The following RAB32 variants were observed in gnomAD, a reference collection of about 807,000 sequenced individuals.
RAB32 encodes the protein RAB32, member RAS oncogene family, also known as ras-related protein Rab-32.
RAB32 carries 17 observed loss-of-function variants against 17.5 expected under a neutral mutation model. The ratio of observed to expected loss-of-function variants is 0.97; its 90% confidence interval spans 0.67 to 1.46. The LOEUF (loss-of-function observed/expected upper bound fraction) is 1.46, where lower values mean the gene tolerates loss of function less well. RAB32 is among the 40% of genes most tolerant of loss of function. RAB32 has a pLI of 0.00. For missense variants in RAB32, 288 were observed against 284.3 expected, an observed-to-expected ratio of 1.01 and a Z score of -0.09; for synonymous variants, 115 against 111.1, an observed-to-expected ratio of 1.04 and a Z score of -0.22.
chr6:146,544,435 C>A (rs1779796169), intron 1 of RAB32, among the ~76,000 whole-genome samples: 1 of 152,082 alleles, frequency 6.6e-6, no homozygotes, highest in African/African-American at 2.4e-5. Flanking sequence ...CATACATACA[C>A]CAGGACTAGT....
At position 146,549,554 on chromosome 6, in the gene RAB32, T is replaced by C; in HGVS notation, c.341T>C (p.Phe114Ser). 4 of 1,614,190 alleles carry C rather than the reference T, an allele frequency of 2.5e-6. No individual in the cohort carries two copies. The highest frequency in any genetic ancestry group is 3.4e-6 in the Non-Finnish European group (4 of 1,180,002). The part of the protein sequence containing the change: ...VVFDISRSST[F>S]EAVLKWKSDL... ...TTTGATATATCAAGAAGTTCCACAT[T>C]TGAGGCAGTCTTAAAATGGAAAAGT... is the stretch of plus-strand genomic sequence containing the variant. The change falls in exon 2 of 3, where the codon TTT (phenylalanine) becomes TCT (serine). Residue 114 changes from phenylalanine (F) to serine (S), a missense_variant. Phe to Ser is a radical substitution (Grantham distance 155). Coordinates refer to ENST00000367495, the MANE Select transcript of RAB32 (RefSeq NM_006834.5).
rs759499766 is a variant in RAB32 at position 146,543,980 on chromosome 6, G to C, written c.109G>C (p.Gly37Arg). The stretch of plus-strand genomic sequence containing the variant: ...GCTGGTGATCGGCGAGCTTGGCGTG[G>C]GCAAGACCAGCATCATCAAGCGCTA... ...KVLVIGELGV[G>R]KTSIIKRYVH... The change falls in exon 1 of 3, where the codon GGC becomes CGC. Residue 37 changes from glycine to arginine, a missense_variant. Physicochemically the swap from Gly to Arg is moderately radical, Grantham distance 125. Coordinates refer to ENST00000367495, the MANE Select transcript of RAB32 (RefSeq NM_006834.5). 3.7e-6 allele frequency: 6 copies of C among 1,613,666 alleles called. No homozygotes were observed. The highest frequency in any genetic ancestry group is 5.1e-6 in the Non-Finnish European group (6 of 1,179,882).
intron 1 of RAB32, among the ~76,000 whole-genome samples, chr6:146,545,454 G>A (rs548485613): frequency 6.6e-6 from 1 of 152,290 alleles, no homozygotes; most frequent in Non-Finnish European, 1.5e-5. Context: ...GCTGGTAGCA[G>A]AGTGGTTGGG....
chr6:146,544,296 G>T (rs1779793496), intron 1 of RAB32, among the ~76,000 whole-genome samples, 175 bp downstream of exon 1: 1 of 152,124 alleles, frequency 6.6e-6, no homozygotes, highest in Non-Finnish European at 1.5e-5. Flanking sequence ...ACTCGGTGGG[G>T]CCCAGAGGAT....
At chr6:146,552,742 G>A (rs1288492975) in intron 2 of RAB32, among the ~76,000 whole-genome samples, 5 of 152,014 alleles carry the variant, frequency 3.3e-5, no homozygotes, top group South Asian at 2.1e-4. Flanking sequence ...CTCAAAATTC[G>A]GTTTTTAAAT....
chr6:146,544,165 C>A (rs774522158), intron 1 of RAB32, 44 bp downstream of exon 1: 2 of 1,558,396 alleles, frequency 1.3e-6, no homozygotes, highest in African/African-American at 2.8e-5. Context: ...CCCGCCGGGC[C>A]GCCTGGCTCC....
chr6:146,544,000 G>T lies in RAB32; in HGVS notation c.129G>T (p.Lys43Asn), dbSNP rs758558242. The T allele has an allele frequency of 6.2e-7, 1 of 1,613,798 alleles. No homozygotes were observed. The highest frequency in any genetic ancestry group is 8.5e-7 in the Non-Finnish European group (1 of 1,179,914). ...ELGVGKTSIIKRYVHQLFSQH... is the reference protein window; with the variant it reads ...ELGVGKTSIINRYVHQLFSQH... ...GCGTGGGCAAGACCAGCATCATCAAGCGCTACGTCCACCAGCTCTTCTCCC... is the reference window on the plus strand; with the variant it reads ...GCGTGGGCAAGACCAGCATCATCAATCGCTACGTCCACCAGCTCTTCTCCC... Residue 43 changes from lysine to asparagine, a missense_variant, in exon 1 of 3, where the codon AAG (lysine) becomes AAT (asparagine). Transcript: ENST00000367495.
chr6:146,544,085 A>G lies in RAB32; in HGVS notation c.214A>G (p.Arg72Gly), dbSNP rs750758287. The change falls in exon 1 of 3, where the codon AGG becomes GGG. Residue 72 changes from arginine to glycine, a missense_variant. Coordinates refer to ENST00000367495, the MANE Select transcript of RAB32 (RefSeq NM_006834.5). ...FALKVLNWDSRTLVRLQLWDI... is the reference protein window; with the variant it reads ...FALKVLNWDSGTLVRLQLWDI... Reference sequence around the variant, plus strand: ...CCTCAAGGTCCTCAACTGGGACAGCAGGACTCTGGTGCGCCTGCAGCTGTG... The same window carrying G: ...CCTCAAGGTCCTCAACTGGGACAGCGGGACTCTGGTGCGCCTGCAGCTGTG... The G allele has an allele frequency of 1.2e-6, 2 of 1,613,604 alleles. No individual in the cohort carries two copies. The highest frequency in any genetic ancestry group is 1.1e-5 in the South Asian group (1 of 91,070).
At position 146,554,569 on chromosome 6, in the gene RAB32, G is replaced by A. The variant is rs13574; in HGVS notation, c.642G>A (p.Glu214=). The A allele has an allele frequency of 2.4e-5, 38 of 1,613,500 alleles. No homozygotes were observed. Among genetic ancestry groups the A allele is most frequent in the Non-Finnish European group, 3.1e-5 (36 of 1,179,764 alleles). The change falls in exon 3 of 3, where the codon GAG becomes GAA. Residue 214 remains glutamate (E), a synonymous_variant. Coordinates refer to ENST00000367495, the MANE Select transcript of RAB32 (RefSeq NM_006834.5). ...NDVDKIKLDQ[E]TLRAENKSQC... ...TGGACAAAATTAAGCTAGATCAAGA[G>A]ACCTTGAGAGCAGAGAACAAATCCC... is the stretch of plus-strand genomic sequence containing the variant.
chr6:146,545,982 A>T lies in RAB32; in HGVS notation c.250+1861A>T, dbSNP rs774546345. On this transcript the variant is annotated intron_variant, in intron 1 of 2. Coordinates refer to ENST00000367495, the MANE Select transcript of RAB32 (RefSeq NM_006834.5). ...TGGGTCCCACTGCTGGTAAATCAGT[A>T]TGAGTAACTAGATTTTTAAGTGTTT... is the stretch of plus-strand genomic sequence containing the variant. Among the ~76,000 whole-genome samples the T allele has an allele frequency of 2.0e-5, 3 of 152,358 alleles. No homozygotes were observed. The South Asian group carries it at 6.2e-4, about 32-fold the overall frequency.
At chr6:146,550,330 ACACT>A (rs1478242911) in intron 2 of RAB32, among the ~76,000 whole-genome samples, 1 of 152,158 alleles carries the variant, frequency 6.6e-6, no homozygotes, top group African/African-American at 2.4e-5. Context: ...AAAAAATAAA[ACACT>A]CAGTTGACTT....
chr6:146,548,486 C>T (rs1372823177), intron 1 of RAB32, among the ~76,000 whole-genome samples: 2 of 152,192 alleles, frequency 1.3e-5, no homozygotes, highest in African/African-American at 4.8e-5. Flanking sequence ...CAGAGTGATA[C>T]ATCTTAGATG....
intron 2 of RAB32, among the ~76,000 whole-genome samples, chr6:146,551,375 C>A (rs1779896554): frequency 6.6e-6 from 1 of 152,100 alleles, no homozygotes; most frequent in African/African-American, 2.4e-5. Context: ...CAGGCATGTG[C>A]CACCATGCCC....
chr6:146,548,718 T>C (rs995020054), intron 1 of RAB32, among the ~76,000 whole-genome samples: 2 of 152,224 alleles, frequency 1.3e-5, no homozygotes, highest in Non-Finnish European at 2.9e-5. Context: ...GGGTCTTTCC[T>C]ATGCCAAAGA....
intron 2 of RAB32, 75 bp from the exon 3 acceptor site, chr6:146,554,381 C>G (rs1779933410): frequency 6.9e-7 from 1 of 1,443,364 alleles, no homozygotes; most frequent in African/African-American, 1.4e-5. Flanking sequence ...TTTCCTGGTC[C>G]CATTCATACT....
At chr6:146,549,331 C>A in intron 1 of RAB32, 133 bp from the exon 2 acceptor site, 1 of 722,402 alleles carries the variant, frequency 1.4e-6, no homozygotes, top group Non-Finnish European at 2.3e-6. Flanking sequence ...TAGCCTTAAT[C>A]ACACCAGGTT....
At chr6:146,554,083 G>C (rs556683987) in intron 2 of RAB32, among the ~76,000 whole-genome samples, 6 of 152,028 alleles carry the variant, frequency 3.9e-5, no homozygotes, top group Non-Finnish European at 8.8e-5. Flanking sequence ...TTTTCACAGT[G>C]TATCCTGACT....
rs144648700 is a variant in RAB32 at position 146,548,297 on chromosome 6, T to G, written c.251-1167T>G. ...GCATTCACGTTTGACCATTGTTTTATTCTTCTTCCATTATTCCCTAAAACA... is the reference window on the plus strand; with the variant it reads ...GCATTCACGTTTGACCATTGTTTTAGTCTTCTTCCATTATTCCCTAAAACA... On this transcript the variant is annotated intron_variant, in intron 1 of 2. Coordinates refer to ENST00000367495, the MANE Select transcript of RAB32 (RefSeq NM_006834.5). Among the ~76,000 whole-genome samples, 628 of 152,348 alleles carry G rather than the reference T, an allele frequency of 4.1e-3. 6 individuals are homozygous for G. The highest frequency in any genetic ancestry group is 0.014 in the African/African-American group (603 of 41,592).
rs919619795 is a variant in RAB32 at position 146,551,380 on chromosome 6, A to C, written c.528+1639A>C. On this transcript the variant is annotated intron_variant, in intron 2 of 2. Coordinates refer to ENST00000367495, the MANE Select transcript of RAB32 (RefSeq NM_006834.5). ...GCTAGGACCACAGGCATGTGCCACCATGCCCAGCTACTTTTTGCATTTTTA... is the reference window on the plus strand; with the variant it reads ...GCTAGGACCACAGGCATGTGCCACCCTGCCCAGCTACTTTTTGCATTTTTA... Among the ~76,000 whole-genome samples, 8 of 152,142 alleles carry C rather than the reference A, an allele frequency of 5.3e-5. No individual in the cohort carries two copies. The East Asian group carries it at 1.5e-3, about 29-fold the overall frequency.
Sources: gnomAD v4.1 joint callset for allele counts (sites outside exome capture counted in the v4.1 genomes callset) on GRCh38, gnomAD v4.1.1 for gene constraint, MANE v1.5 for transcripts, NCBI Gene and HGNC (gene_info 2026-07-23, HGNC 2026-07-21) for gene names.